Variants in ARHGAP24 observed in about 807,000 individuals in gnomAD.
ARHGAP24 encodes Rho GTPase activating protein 24.
ARHGAP24 carries 50 observed loss-of-function variants against 76.4 expected under a neutral mutation model. The observed-to-expected ratio is 0.65, with a 90% CI of 0.52 to 0.83. The LOEUF (loss-of-function observed/expected upper bound fraction) is 0.83. ARHGAP24 is among the 40% of genes least tolerant of loss of function. ARHGAP24 has a pLI of 0.00. For missense variants in ARHGAP24, 930 were observed against 914.2 expected, an observed-to-expected ratio of 1.02 and a Z score of -0.22; for synonymous variants, 345 against 323.3, an observed-to-expected ratio of 1.07 and a Z score of -0.72.
intron 4 of ARHGAP24, among the ~76,000 whole-genome samples, chr4:85,940,198 C>T (rs1038226797): frequency 1.3e-5 from 2 of 152,092 alleles, no homozygotes; most frequent in Non-Finnish European, 2.9e-5. Context: ...AGAAAACTGG[C>T]TTAAACACAC....
intron 2 of ARHGAP24, among the ~76,000 whole-genome samples, chr4:85,666,224 C>G (rs1167243471): frequency 6.6e-6 from 1 of 152,126 alleles, no homozygotes; most frequent in South Asian, 2.1e-4. Flanking sequence ...TGTTTTTATT[C>G]TTTTTTCTCT....
intron 3 of ARHGAP24, among the ~76,000 whole-genome samples, chr4:85,806,331 A>C (rs1728791269): frequency 6.6e-6 from 1 of 152,198 alleles, no homozygotes; most frequent in Non-Finnish European, 1.5e-5. Context: ...CTTAGCAAGG[A>C]AGCAATGCTT....
chr4:85,548,471 T>G (rs555147411), intron 1 of ARHGAP24, among the ~76,000 whole-genome samples: 83 of 152,332 alleles, frequency 5.4e-4, no homozygotes, highest in African/African-American at 1.8e-3. Flanking sequence ...AACTACAGGA[T>G]GCATTCTGGT....
At chr4:85,722,925 C>T (rs753831213) in intron 3 of ARHGAP24, among the ~76,000 whole-genome samples, 6 of 152,086 alleles carry the variant, frequency 3.9e-5, no homozygotes, top group South Asian at 4.1e-4. Context: ...ATTTTCCCCT[C>T]GATGAAAACA....
intron 1 of ARHGAP24, among the ~76,000 whole-genome samples, chr4:85,506,739 C>CT (rs1300462080): frequency 2.6e-5 from 4 of 152,230 alleles, no homozygotes; most frequent in Admixed American, 2.0e-4. Flanking sequence ...GACTCACCCT[C>CT]TGTGGGCTGC....
In ARHGAP24 at chr4:85,732,537, A is replaced by G. The variant is rs147049559; in HGVS notation, c.268+10565A>G. Among the ~76,000 whole-genome samples the G allele has an allele frequency of 4.4e-4, 67 of 152,272 alleles. 3 individuals are homozygous for G. The East Asian group carries it at 0.012, about 28-fold the overall frequency. ...TTCAAAAGATAAAACCCTAAGGACC[A>G]TCTGCAGCCCAATAATGCATCCCTA... is the stretch of plus-strand genomic sequence containing the variant. On this transcript the variant is annotated intron_variant, in intron 3 of 9. Transcript: ENST00000395184.
intron 1 of ARHGAP24, among the ~76,000 whole-genome samples, chr4:85,507,146 A>T (rs915095809): frequency 6.6e-6 from 1 of 152,162 alleles, no homozygotes; most frequent in Non-Finnish European, 1.5e-5. Flanking sequence ...AGATCTGCAT[A>T]TTGACATATT....
rs940717215 is a variant in ARHGAP24 at position 85,604,661 on chromosome 4, A to C, written c.180+33940A>C. 3.9e-5 allele frequency among the ~76,000 whole-genome samples: 6 copies of C among 152,234 alleles called. No individual in the cohort carries two copies. In the South Asian group the frequency reaches 1.2e-3, roughly 31 times the overall value. ...GTGCAGTGTGGCATGATCTCAGCTC[A>C]CTGCAACCCCCACCTCCTGGGTTCA... On this transcript the variant is annotated intron_variant, in intron 2 of 9. Coordinates refer to ENST00000395184, the MANE Select transcript of ARHGAP24 (RefSeq NM_001025616.3).
intron 4 of ARHGAP24, among the ~76,000 whole-genome samples, chr4:85,927,333 G>T (rs1003490868): frequency 3.3e-5 from 5 of 152,102 alleles, no homozygotes; most frequent in Admixed American, 2.6e-4. Flanking sequence ...GAGCTGGGAT[G>T]GGGGGATGAG....
intron 5 of ARHGAP24, among the ~76,000 whole-genome samples, chr4:85,967,530 C>T (rs1426125725): frequency 6.6e-6 from 1 of 152,194 alleles, no homozygotes; most frequent in East Asian, 1.9e-4. Flanking sequence ...ACGATTCAGA[C>T]GTAAAGTCCA....
intron 1 of ARHGAP24, among the ~76,000 whole-genome samples, chr4:85,514,586 C>G (rs1465309141): frequency 6.6e-6 from 1 of 151,930 alleles, no homozygotes; most frequent in East Asian, 1.9e-4. Flanking sequence ...TTCTCATGTC[C>G]TAACCACTTG....
chr4:85,731,443 T>A (rs1168865616), intron 3 of ARHGAP24, among the ~76,000 whole-genome samples: 1 of 152,262 alleles, frequency 6.6e-6, no homozygotes, highest in East Asian at 1.9e-4. Context: ...GCTTAATGCA[T>A]GTTTGTTGAA....
chr4:85,624,927 C>G (rs181889241), intron 2 of ARHGAP24, among the ~76,000 whole-genome samples: 2 of 152,000 alleles, frequency 1.3e-5, no homozygotes, highest in Admixed American at 1.3e-4. Context: ...TATCCCCTTT[C>G]TCATTTTTTA....
intron 5 of ARHGAP24, among the ~76,000 whole-genome samples, chr4:85,950,598 G>A (rs1344252879): frequency 1.3e-5 from 2 of 151,960 alleles, no homozygotes; most frequent in African/African-American, 4.8e-5. Context: ...GGTTGATTCT[G>A]TATAACTTGG....
At chr4:85,665,942 C>G (rs1383530194) in intron 2 of ARHGAP24, among the ~76,000 whole-genome samples, 1 of 152,190 alleles carries the variant, frequency 6.6e-6, no homozygotes, top group African/African-American at 2.4e-5. Flanking sequence ...TCTGGCTGCC[C>G]TTAACATTTT....
chr4:85,731,133 C>T (rs1725390103), intron 3 of ARHGAP24, among the ~76,000 whole-genome samples: 2 of 151,872 alleles, frequency 1.3e-5, no homozygotes, highest in African/African-American at 2.4e-5. Context: ...GTGGTAAAGC[C>T]AGGATTCACA....
At position 85,862,917 on chromosome 4, in the gene ARHGAP24, G is replaced by A. The variant is rs183270018; in HGVS notation, c.269-60731G>A. On this transcript the variant is annotated intron_variant, in intron 3 of 9. Coordinates refer to ENST00000395184, the MANE Select transcript of ARHGAP24 (RefSeq NM_001025616.3). The stretch of plus-strand genomic sequence containing the variant: ...ACAAGCCATCAGCACTTGGAGTATC[G>A]CAACAGTCTCCTGAAATGTCTCTCT... Among the ~76,000 whole-genome samples, 25 of 152,092 alleles carry A rather than the reference G, an allele frequency of 1.6e-4. No individual in the cohort carries two copies. In the East Asian group the frequency reaches 3.9e-3, roughly 24 times the overall value.
intron 2 of ARHGAP24, among the ~76,000 whole-genome samples, chr4:85,628,349 C>G (rs1578091713): frequency 6.6e-6 from 1 of 152,120 alleles, no homozygotes; most frequent in African/African-American, 2.4e-5. Flanking sequence ...GGAAAACATG[C>G]TTGATATGAT....
chr4:85,966,002 A>G (rs1374211780), intron 5 of ARHGAP24, among the ~76,000 whole-genome samples: 1 of 152,124 alleles, frequency 6.6e-6, no homozygotes, highest in African/African-American at 2.4e-5. Flanking sequence ...GCTTGAAACA[A>G]CAGAAACTTC....
Sources: allele counts gnomAD v4.1 joint callset (sites outside exome capture counted in the v4.1 genomes callset), GRCh38; gene constraint gnomAD v4.1.1; transcripts MANE v1.5; gene names NCBI Gene and HGNC (gene_info 2026-07-23, HGNC 2026-07-21).